The following SOX6 variants were observed in gnomAD, a reference collection of about 807,000 sequenced individuals.
The protein encoded by SOX6 is transcription factor SOX-6.
In SOX6, 11 loss-of-function variants were observed where a neutral mutation model predicts 97.8. The ratio of observed to expected loss-of-function variants is 0.11; its 90% CI spans 0.07 to 0.19. The LOEUF (loss-of-function observed/expected upper bound fraction) is 0.19, where lower values mean the gene tolerates loss of function less well. Ranked by LOEUF, SOX6 falls within the 10% of genes least tolerant of loss-of-function variation. The pLI is 1.00. For synonymous variants in SOX6, 360 were observed against 371.4 expected (o/e 0.97, Z 0.35); for missense variants, 810 against 1,039.5 (o/e 0.78, Z 3.04).
At chr11:16,608,482 G>C (rs983882002) in intron 4 of SOX6, among the ~76,000 whole-genome samples, 4 of 151,528 alleles carry the variant, frequency 2.6e-5, no homozygotes, top group African/African-American at 7.3e-5. Flanking sequence ...AAAAGAAGTA[G>C]TCAAAAGAGA....
At chr11:16,452,190 C>T (rs1336044863) in intron 1 of SOX6, among the ~76,000 whole-genome samples, 6 of 151,956 alleles carry the variant, frequency 3.9e-5, no homozygotes, top group Non-Finnish European at 1.5e-5. Flanking sequence ...GAACAAAAAG[C>T]TACAGTTAAC....
chr11:16,725,607 A>T (rs1848300968), intron 2 of SOX6, among the ~76,000 whole-genome samples: 1 of 152,196 alleles, frequency 6.6e-6, no homozygotes, highest in African/African-American at 2.4e-5. Flanking sequence ...ATAGAGAGAT[A>T]GGAAGCAGAT....
intron 1 of SOX6, among the ~76,000 whole-genome samples, chr11:16,413,889 A>C (rs978671519): frequency 1.3e-5 from 2 of 152,172 alleles, no homozygotes; most frequent in African/African-American, 4.8e-5. Flanking sequence ...TCTTGGGTTG[A>C]GTATGCTCAC....
chr11:16,118,120 T>C (rs190496094), intron 6 of SOX6, among the ~76,000 whole-genome samples: 5 of 152,314 alleles, frequency 3.3e-5, no homozygotes, highest in African/African-American at 1.2e-4. Flanking sequence ...ACTGTGTTAT[T>C]TTTATTGCTT....
rs1849843394 is a variant in SOX6, at chr11:16,132,505, A to AAGCAAGCAAGC, written c.778-20583_778-20582insGCTTGCTTGCT. The stretch of plus-strand genomic sequence containing the variant: ...GAAAGAAAGAAAGAAAGAAAGAAAG[A>AAGCAAGCAAGC]AAGCTTATCTTTGTATCTAGGAAGA... On this transcript the variant is annotated intron_variant, in intron 6 of 15. Coordinates refer to ENST00000683767, the MANE Select transcript of SOX6 (RefSeq NM_001367873.1). 9.0e-3 allele frequency among the ~76,000 whole-genome samples: 778 copies of AAGCAAGCAAGC among 86,010 alleles called. 59 individuals are homozygous for AAGCAAGCAAGC. The highest frequency in any genetic ancestry group is 0.019 in the East Asian group (56 of 2,920). 56.4% of individuals were successfully genotyped at this position (86,010 alleles called of 152,430 possible).
intron 11 of SOX6, 87 bp downstream of exon 11, chr11:16,049,668 G>A: frequency 6.7e-7 from 1 of 1,483,204 alleles, no homozygotes; most frequent in Non-Finnish European, 9.3e-7. Flanking sequence ...GGAGCACTTT[G>A]GAAACAAGTA....
chr11:16,199,307 C>CT lies in SOX6; in HGVS notation c.536-12353dup, dbSNP rs201642253. ...TGAACTAAAAAACATTCAATAAACACTTTTTTTTAGCACAAATGATCGTCC... is the reference window on the plus strand; with the variant it reads ...TGAACTAAAAAACATTCAATAAACACTTTTTTTTTAGCACAAATGATCGTCC... On this transcript the variant is annotated intron_variant, in intron 4 of 15. Transcript: ENST00000683767. 8.8e-3 allele frequency among the ~76,000 whole-genome samples: 1,345 copies of CT among 152,118 alleles called. 13 individuals carry two copies. Among genetic ancestry groups the CT allele is most frequent in the Middle Eastern group, 0.037 (11 of 294 alleles).
chr11:16,663,522 C>G (rs908752271), intron 3 of SOX6, among the ~76,000 whole-genome samples: 2 of 152,118 alleles, frequency 1.3e-5, no homozygotes, highest in Non-Finnish European at 2.9e-5. Flanking sequence ...GGGGTATCAC[C>G]ATGTTCCCCA....
chr11:16,498,238 A>AATAAAATCT (rs1156564635), intron 4 of SOX6, among the ~76,000 whole-genome samples: 1 of 151,432 alleles, frequency 6.6e-6, no homozygotes, highest in Admixed American at 6.6e-5. Context: ...GTGAAGGAGA[A>AATAAAATCT]TTTACAGAGA....
chr11:16,642,366 A>G lies in SOX6; in HGVS notation n.430-30106T>C, dbSNP rs367648321. Among the ~76,000 whole-genome samples the G allele has an allele frequency of 7.2e-5, 11 of 151,798 alleles. 1 individual carries two copies. In the East Asian group the frequency reaches 1.9e-3, roughly 27 times the overall value. On this transcript the variant is annotated intron_variant and non_coding_transcript_variant, in intron 3 of 5. Transcript: ENST00000524520. The stretch of plus-strand genomic sequence containing the variant: ...CCCTTAACATTTTTTCCTTCATTTC[A>G]ACTTTGGTGAATCTGACAATTATGT...
At chr11:16,324,465 G>A (rs1009506576) in intron 2 of SOX6, among the ~76,000 whole-genome samples, 1 of 152,118 alleles carries the variant, frequency 6.6e-6, no homozygotes, top group Admixed American at 6.6e-5. Context: ...ATGATGAAAT[G>A]TTTTGAAGCT....
intron 3 of SOX6, among the ~76,000 whole-genome samples, chr11:16,621,425 A>G (rs1848544016): frequency 6.6e-6 from 1 of 152,214 alleles, no homozygotes; most frequent in African/African-American, 2.4e-5. Flanking sequence ...CAACAATTGC[A>G]TGGAATACAT....
chr11:16,729,832 G>A (rs182111752), intron 2 of SOX6, among the ~76,000 whole-genome samples: 10 of 152,024 alleles, frequency 6.6e-5, no homozygotes, highest in East Asian at 1.9e-4. Context: ...CCCATCTCAC[G>A]TGCAAAGACA....
At chr11:16,550,274 C>T (rs1847667792) in intron 4 of SOX6, among the ~76,000 whole-genome samples, 1 of 152,006 alleles carries the variant, frequency 6.6e-6, no homozygotes, top group Non-Finnish European at 1.5e-5. Flanking sequence ...AATGAGAACA[C>T]TTGCACACAG....
chr11:16,191,322 A>G (rs950246235), intron 4 of SOX6, among the ~76,000 whole-genome samples: 1 of 152,116 alleles, frequency 6.6e-6, no homozygotes, highest in African/African-American at 2.4e-5. Context: ...TAAGCTAAGC[A>G]TAGTAGCACA....
chr11:16,350,487 C>T (rs1436132636), intron 1 of SOX6, among the ~76,000 whole-genome samples: 1 of 152,122 alleles, frequency 6.6e-6, no homozygotes, highest in Admixed American at 6.6e-5. Flanking sequence ...TTCCAAGAGA[C>T]ACTTCTTATA....
At position 16,407,784 on chromosome 11, in the gene SOX6, T is replaced by TA. The variant is rs1231239086; in HGVS notation, c.-4-66533dup. ...GCACTAACACCCGAGGAACAAGAAA[T>TA]AAAGGCCAGCAAAGCTCAATCTTGC... On this transcript the variant is annotated intron_variant, in intron 1 of 15. Coordinates refer to the SOX6 transcript ENST00000396356. Among the ~76,000 whole-genome samples the TA allele has an allele frequency of 5.3e-5, 8 of 151,546 alleles. 1 individual carries two copies. Among genetic ancestry groups the TA allele is most frequent in the Admixed American group, 4.6e-4 (7 of 15,206 alleles).
At chr11:16,050,583 T>C (rs1847661451) in intron 10 of SOX6, among the ~76,000 whole-genome samples, 1 of 152,208 alleles carries the variant, frequency 6.6e-6, no homozygotes, top group Non-Finnish European at 1.5e-5. Context: ...CATACTATGC[T>C]ATATGCAATT....
chr11:16,375,871 T>C (rs1176737373), intron 1 of SOX6, among the ~76,000 whole-genome samples: 2 of 152,152 alleles, frequency 1.3e-5, no homozygotes, highest in African/African-American at 4.8e-5. Context: ...GATGAGTTCA[T>C]GTCCTTTGAA....
Sources: gnomAD v4.1 joint callset for allele counts (sites outside exome capture counted in the v4.1 genomes callset) on GRCh38, gnomAD v4.1.1 for gene constraint, MANE v1.5 for transcripts, NCBI Gene and HGNC (gene_info 2026-07-23, HGNC 2026-07-21) for gene names.